Variants in VSIG1 observed in about 807,000 individuals in gnomAD.
VSIG1 encodes V-set and immunoglobulin domain-containing protein 1.
In VSIG1, 11 loss-of-function variants were observed where a neutral mutation model predicts 20.1. That is an observed-to-expected ratio of 0.55 (90% CI 0.34 to 0.91). The LOEUF is 0.91. VSIG1 is among the 40% of genes least tolerant of loss of function. The pLI is 0.02. For missense variants in VSIG1, 283 were observed against 298.8 expected, an observed-to-expected ratio of 0.95 and a Z score of 0.39; for synonymous variants, 126 against 116.7, an observed-to-expected ratio of 1.08 and a Z score of -0.52.
intron 2 of VSIG1, among the ~76,000 whole-genome samples, chrX:108,062,598 C>T (rs1170948006): frequency 8.9e-6 from 1 of 112,115 alleles, no homozygotes; most frequent in African/African-American, 3.2e-5. Flanking sequence ...AAAGGAGCAA[C>T]TCAAATGGCA....
At chrX:108,047,933 T>TAC (rs1317396087) in intron 1 of VSIG1, among the ~76,000 whole-genome samples, 3 of 58,970 alleles carry the variant, frequency 5.1e-5, no homozygotes, top group South Asian at 7.8e-4. Context: ...TATATATATA[T>TAC]ACACATATAT....
At chrX:108,030,008 T>G in the VSIG1 span, among the ~76,000 whole-genome samples, 3 of 112,394 alleles carry the variant, frequency 2.7e-5, no homozygotes, top group African/African-American at 6.5e-5. Context: ...TTCCTCAGCT[T>G]CTTCTTTTGG....
At chrX:108,057,821 A>G (rs191156843) in intron 1 of VSIG1, among the ~76,000 whole-genome samples, 1 of 111,218 alleles carries the variant, frequency 9.0e-6, no homozygotes, top group African/African-American at 3.3e-5. Context: ...ACCATCATCT[A>G]GAATTTGAGT....
intron 5 of VSIG1, among the ~76,000 whole-genome samples, chrX:108,074,663 C>G (rs1192674760): frequency 1.8e-5 from 2 of 112,010 alleles, no homozygotes; most frequent in Non-Finnish European, 3.8e-5. Flanking sequence ...GTCTATAGAG[C>G]ACCAAGGGAG....
intron 1 of VSIG1, among the ~76,000 whole-genome samples, chrX:108,048,417 G>A (rs191055071): frequency 2.2e-3 from 246 of 112,392 alleles, no homozygotes; most frequent in African/African-American, 7.7e-3. Context: ...TGTGCACAAC[G>A]TGCAGGTAAG....
chrX:108,049,688 T>A (rs894294334), intron 1 of VSIG1, among the ~76,000 whole-genome samples: 79 of 111,970 alleles, frequency 7.1e-4, no homozygotes, highest in African/African-American at 2.3e-3. Context: ...CTCTAAAATC[T>A]CTGTTTTTAG....
At chrX:108,056,494 G>GATTT (rs764919063) in intron 1 of VSIG1, among the ~76,000 whole-genome samples, 13 of 111,734 alleles carry the variant, frequency 1.2e-4, no homozygotes, top group Admixed American at 7.6e-4. Flanking sequence ...ATCCCCAAAA[G>GATTT]ATTTGCATCT....
At chrX:108,043,217 C>A (rs1199521593), upstream of VSIG1, among the ~76,000 whole-genome samples, 1 of 112,238 alleles carries the variant, frequency 8.9e-6, no homozygotes, top group African/African-American at 3.2e-5. Flanking sequence ...TTCCTCCTCA[C>A]CCTCCACTGC....
At chrX:108,055,700 GA>G (rs1044013243) in intron 1 of VSIG1, among the ~76,000 whole-genome samples, 181 of 87,447 alleles carry the variant, frequency 2.1e-3, no homozygotes, top group African/African-American at 6.8e-3. Context: ...ACAGGCTAAA[GA>G]AAAAAAAATA....
chrX:108,039,724 T>TG, the VSIG1 span, among the ~76,000 whole-genome samples: 1 of 109,567 alleles, frequency 9.1e-6, no homozygotes, highest in Middle Eastern at 4.7e-3. Flanking sequence ...GCAGCAAAGA[T>TG]GGGGGAAGTG....
At chrX:108,050,414 C>A (rs924404516) in intron 1 of VSIG1, among the ~76,000 whole-genome samples, 1 of 111,906 alleles carries the variant, frequency 8.9e-6, no homozygotes, top group Non-Finnish European at 1.9e-5. Flanking sequence ...GCATAGAGAG[C>A]GTCTCTTGAA....
chrX:108,027,768 G>T, the VSIG1 span, among the ~76,000 whole-genome samples: 2 of 111,277 alleles, frequency 1.8e-5, no homozygotes, highest in African/African-American at 6.5e-5. Context: ...GAAATGTTGG[G>T]TGCTTTGGTG....
At chrX:108,076,040 T>G (rs372123273) in intron 5 of VSIG1, 37 bp from the exon 6 acceptor site, 111 of 1,201,852 alleles carry the variant, frequency 9.2e-5, no homozygotes, top group Non-Finnish European at 1.2e-4. Flanking sequence ...AATGACAATA[T>G]ATTCCACTTT....
intron 1 of VSIG1, among the ~76,000 whole-genome samples, chrX:108,047,807 T>TATATATATACATATATATAC (rs2030626840): frequency 2.0e-5 from 1 of 50,843 alleles, no homozygotes; most frequent in African/African-American, 8.3e-5. Flanking sequence ...TATATATATA[T>TATATATATACATATATATAC]ACATATATAT....
intron 1 of VSIG1, among the ~76,000 whole-genome samples, chrX:108,047,907 CATATATATATACACAT>C (rs1262812366): frequency 1.7e-4 from 5 of 29,244 alleles, no homozygotes; most frequent in Non-Finnish European, 2.7e-4. Flanking sequence ...TATATATACA[CATATATATATACACAT>C]ATATATATAT....
At chrX:108,061,600 C>T in intron 2 of VSIG1, 1 of 941,696 alleles carries the variant, frequency 1.1e-6, no homozygotes, top group Non-Finnish European at 1.5e-6. Flanking sequence ...GGCACTGGCA[C>T]CAGCTTTAGG....
At chrX:108,045,991 G>A (rs2030566633) in intron 1 of VSIG1, among the ~76,000 whole-genome samples, 1 of 111,163 alleles carries the variant, frequency 9.0e-6, no homozygotes, top group Non-Finnish European at 1.9e-5. Flanking sequence ...AAATACCCAC[G>A]ATAAAATATT....
chrX:108,074,320 T>C (rs1711709281), intron 5 of VSIG1, among the ~76,000 whole-genome samples: 1 of 111,929 alleles, frequency 8.9e-6, no homozygotes, highest in African/African-American at 3.2e-5. Context: ...TATCTTTCTT[T>C]AGAATTCCCT....
chrX:108,070,286 C>G (rs1326490564), intron 3 of VSIG1, among the ~76,000 whole-genome samples: 1 of 111,327 alleles, frequency 9.0e-6, no homozygotes, highest in Non-Finnish European at 1.9e-5. Context: ...AGCAATAAAG[C>G]TAAATGGTAG....
Sources: allele counts gnomAD v4.1 joint callset (sites outside exome capture counted in the v4.1 genomes callset), GRCh38; gene constraint gnomAD v4.1.1; transcripts MANE v1.5; gene names NCBI Gene and HGNC (gene_info 2026-07-23, HGNC 2026-07-21).